Variants in NFIA observed in about 807,000 individuals in gnomAD.
The protein encoded by NFIA is nuclear factor I A, also known as nuclear factor 1 A-type.
NFIA carries 8 observed loss-of-function variants against 62.8 expected under a neutral mutation model. The ratio of observed to expected loss-of-function variants is 0.13; its 90% CI spans 0.07 to 0.23. NFIA has a LOEUF of 0.23. Among genes scored for constraint, NFIA ranks in the 10% least tolerant of loss-of-function variants. The pLI is 1.00. For synonymous variants in NFIA, 235 were observed against 238.1 expected (o/e 0.99, Z 0.12); for missense variants, 410 against 642.1 (o/e 0.64, Z 3.91).
At chr1:61,361,102 G>A (rs979569463) in intron 6 of NFIA, among the ~76,000 whole-genome samples, 1 of 152,200 alleles carries the variant, frequency 6.6e-6, no homozygotes, top group Non-Finnish European at 1.5e-5. Flanking sequence ...GGGAAGCGCA[G>A]AGATGGTGGT....
At chr1:61,438,996 C>CAG (rs1667455758) in intron 10 of NFIA, among the ~76,000 whole-genome samples, 1 of 104,548 alleles carries the variant, frequency 9.6e-6, no homozygotes, top group African/African-American at 3.8e-5. Context: ...AACATGCATG[C>CAG]AGACACACAC....
At chr1:61,131,721 C>T (rs1342424815) in intron 2 of NFIA, among the ~76,000 whole-genome samples, 2 of 151,940 alleles carry the variant, frequency 1.3e-5, no homozygotes, top group African/African-American at 4.8e-5. Context: ...ATAACTATGT[C>T]ATTAATGATT....
intron 2 of NFIA, among the ~76,000 whole-genome samples, chr1:61,255,805 A>G (rs191398368): frequency 7.0e-4 from 106 of 152,298 alleles, no homozygotes; most frequent in Non-Finnish European, 1.3e-3. Context: ...GATTCTTACT[A>G]TCATACAATT....
At chr1:61,118,659 AGTGTGTGTGTGTGTGT>A (rs5774536) in intron 2 of NFIA, among the ~76,000 whole-genome samples, 102,187 of 145,190 alleles carry the variant, frequency 0.7, 37,058 homozygotes, top group Non-Finnish European at 0.8. Flanking sequence ...GGTCGGGATG[AGTGTGTGTGTGTGTGT>A]GTGTGTGTGT....
intron 2 of NFIA, among the ~76,000 whole-genome samples, chr1:61,090,478 G>A (rs767603539): frequency 7.9e-5 from 12 of 152,134 alleles, no homozygotes; most frequent in African/African-American, 2.2e-4. Context: ...ACATTTCTCT[G>A]TTATTTAAAG....
intron 3 of NFIA, among the ~76,000 whole-genome samples, chr1:61,292,660 A>C (rs1020609723): frequency 1.3e-5 from 2 of 152,200 alleles, no homozygotes; most frequent in East Asian, 3.8e-4. Context: ...GCAAGAAGCA[A>C]CAAAAGTAAA....
At chr1:61,345,166 A>G (rs1307105330) in intron 4 of NFIA, among the ~76,000 whole-genome samples, 1 of 152,238 alleles carries the variant, frequency 6.6e-6, no homozygotes, top group Non-Finnish European at 1.5e-5. Context: ...ACCTTTTGAG[A>G]AAAACTCCTC....
intron 2 of NFIA, among the ~76,000 whole-genome samples, chr1:61,223,034 G>A (rs897910675): frequency 1.3e-4 from 20 of 151,928 alleles, no homozygotes; most frequent in African/African-American, 4.6e-4. Flanking sequence ...AAATGTTGCC[G>A]AATGTTTACA....
intron 3 of NFIA, among the ~76,000 whole-genome samples, chr1:61,325,896 G>A (rs1660908122): frequency 8.2e-6 from 1 of 121,730 alleles, no homozygotes; most frequent in South Asian, 2.7e-4. Flanking sequence ...TGGCGCCGCT[G>A]CACTCCAGCC....
At chr1:61,318,455 A>T (rs1368405108) in intron 3 of NFIA, among the ~76,000 whole-genome samples, 2 of 152,172 alleles carry the variant, frequency 1.3e-5, no homozygotes, top group East Asian at 3.9e-4. Flanking sequence ...CACCAGCAAG[A>T]CCCAGTCCTT....
At chr1:61,153,735 T>G (rs531679160) in intron 2 of NFIA, among the ~76,000 whole-genome samples, 2 of 152,342 alleles carry the variant, frequency 1.3e-5, no homozygotes, top group South Asian at 4.1e-4. Flanking sequence ...CAAAGGATTC[T>G]AGGTGAGAAC....
chr1:61,398,336 T>C (rs886096568), intron 7 of NFIA, among the ~76,000 whole-genome samples: 1 of 152,180 alleles, frequency 6.6e-6, no homozygotes, highest in African/African-American at 2.4e-5. Context: ...CTAAAATTGA[T>C]CTAGATAAAA....
chr1:61,088,409 A>T lies in NFIA; in HGVS notation c.288A>T (p.Thr96=), dbSNP rs756286695. The change falls in exon 2 of 11, where the codon ACA becomes ACT. Residue 96 remains threonine, a synonymous_variant. Transcript: ENST00000403491. This position sits in a 1 kb window ranked among gnomAD's most constrained non-coding sequence, Gnocchi z 4.5. The stretch of plus-strand genomic sequence containing the variant: ...GAGAGGATTTTGTTCTTACAGTTAC[A>T]GGGAAAAAACCTCCATGTTGTGTTC... The part of the protein sequence containing the change: ...EYREDFVLTV[T]GKKPPCCVLS... The T allele has an allele frequency of 1.2e-6, 2 of 1,614,014 alleles. No individual in the cohort carries two copies. Among genetic ancestry groups the T allele is most frequent in the Non-Finnish European group, 1.7e-6 (2 of 1,179,992 alleles).
rs192902767 is a variant in NFIA, at chr1:61,360,669, T to C, written c.946+1395T>C. Among the ~76,000 whole-genome samples the C allele has an allele frequency of 2.0e-5, 3 of 152,298 alleles. No individual in the cohort carries two copies. In the East Asian group the frequency reaches 5.8e-4, roughly 29 times the overall value. On this transcript the variant is annotated intron_variant, in intron 6 of 10. Transcript: ENST00000403491. ...TTTTCAAAAGACAATGCTCAGGGGA[T>C]GTGACTATAAAGGTGTAGCACGGGG...
chr1:61,220,596 T>C (rs1381270120), intron 2 of NFIA, among the ~76,000 whole-genome samples: 1 of 152,204 alleles, frequency 6.6e-6, no homozygotes, highest in African/African-American at 2.4e-5. Flanking sequence ...TTAATTATAA[T>C]AGTGCCAATT....
At chr1:61,202,678 A>G (rs1652590816) in intron 2 of NFIA, among the ~76,000 whole-genome samples, 1 of 152,242 alleles carries the variant, frequency 6.6e-6, no homozygotes, top group Non-Finnish European at 1.5e-5. Flanking sequence ...AATAATACAT[A>G]AAGAACATGT....
chr1:61,229,415 T>G (rs1420939333), intron 2 of NFIA, among the ~76,000 whole-genome samples: 5 of 152,212 alleles, frequency 3.3e-5, no homozygotes, highest in Admixed American at 6.5e-5. Flanking sequence ...AAATATTTTC[T>G]CATGTACATA....
At chr1:61,401,465 T>C (rs945206840) in intron 7 of NFIA, among the ~76,000 whole-genome samples, 13 of 152,218 alleles carry the variant, frequency 8.5e-5, no homozygotes, top group Non-Finnish European at 2.9e-5. Flanking sequence ...TTTATAACAG[T>C]TAATGAGGAG....
intron 2 of NFIA, among the ~76,000 whole-genome samples, chr1:61,166,059 T>A (rs1649544248): frequency 6.6e-6 from 1 of 152,218 alleles, no homozygotes; most frequent in African/African-American, 2.4e-5. Context: ...ATAATCTAGT[T>A]AGGATTAAAA....
Sources: allele counts gnomAD v4.1 joint callset (sites outside exome capture counted in the v4.1 genomes callset), GRCh38; gene constraint gnomAD v4.1.1; non-coding constraint Gnocchi (gnomAD v3.1); transcripts MANE v1.5; gene names NCBI Gene and HGNC (gene_info 2026-07-23, HGNC 2026-07-21).